The following NLRP5 variants were observed in gnomAD, a reference collection of about 807,000 sequenced individuals.
NLRP5 encodes NACHT, LRR and PYD domains-containing protein 5.
Under a neutral mutation model 113.1 loss-of-function variants are expected in NLRP5, and 93 were observed. The ratio of observed to expected loss-of-function variants is 0.82; its 90% CI spans 0.70 to 0.98. The LOEUF (loss-of-function observed/expected upper bound fraction) is 0.98. Ranked by LOEUF, NLRP5 falls within the 50% of genes least tolerant of loss-of-function variation. The pLI, the probability that NLRP5 is intolerant of heterozygous loss-of-function variation, is 0.00. For synonymous variants in NLRP5, 751 were observed against 600.7 expected, an observed-to-expected ratio of 1.25 and a Z score of -3.66; for missense variants, 1,808 against 1,514.3, an observed-to-expected ratio of 1.19 and a Z score of -3.22.
At chr19:56,055,192 G>A (rs569729523) in intron 13 of NLRP5, among the ~76,000 whole-genome samples, 20 of 151,736 alleles carry the variant, frequency 1.3e-4, no homozygotes, top group Middle Eastern at 3.4e-3. Context: ...GGGTTTCACC[G>A]TGTTAGCCAG....
At chr19:56,007,406 G>C (rs1446676250) in intron 2 of NLRP5, among the ~76,000 whole-genome samples, 1 of 150,364 alleles carries the variant, frequency 6.7e-6, no homozygotes, top group Non-Finnish European at 1.5e-5. Context: ...CCAGATGAGA[G>C]GGAAGTTTAG....
At position 56,027,608 on chromosome 19, in the gene NLRP5, A is replaced by G. The variant is rs1422198697; in HGVS notation, c.1375A>G (p.Met459Val). 5 of 1,613,758 alleles carry G rather than the reference A, an allele frequency of 3.1e-6. No individual in the cohort carries two copies. The highest frequency in any genetic ancestry group is 2.7e-5 in the African/African-American group (2 of 74,944). ...GAAGACACAAGGGTTGCGTGCGATC[A>G]TGAACAACCGTGAGCTGCTCGACCA... Residue 459 changes from methionine to valine, a missense_variant, in exon 7 of 15, where the codon ATG (methionine) becomes GTG (valine). Met to Val is a conservative substitution (Grantham distance 21, BLOSUM62 1). Coordinates refer to ENST00000390649, the MANE Select transcript of NLRP5 (RefSeq NM_153447.4).
chr19:56,010,755 A>AAAAAAAAT lies in NLRP5; in HGVS notation c.508+1902_508+1903insAAAAAAAT, dbSNP rs78321861. Among the ~76,000 whole-genome samples the AAAAAAAAT allele has an allele frequency of 2.0e-3, 256 of 125,994 alleles. 14 individuals are homozygous for AAAAAAAAT. Among genetic ancestry groups the AAAAAAAAT allele is most frequent in the African/African-American group, 5.9e-3 (196 of 33,134 alleles). 82.7% of individuals were successfully genotyped at this position (125,994 alleles called of 152,430 possible). On this transcript the variant is annotated intron_variant, in intron 3 of 14. Coordinates refer to ENST00000390649, the MANE Select transcript of NLRP5 (RefSeq NM_153447.4). The stretch of plus-strand genomic sequence containing the variant: ...TTAACTCTGTCTCAAAAAAAAAAAA[A>AAAAAAAAT]GTCCCTTGAAACTAAGCCAACCCAA...
At chr19:55,992,478 C>G in the NLRP5 span, among the ~76,000 whole-genome samples, 1 of 152,202 alleles carries the variant, frequency 6.6e-6, no homozygotes, top group African/African-American at 2.4e-5. Context: ...GATTTACACT[C>G]CCACCAACAG....
Position 56,061,448 on chromosome 19 carries a change from C to A in NLRP5, c.3523C>A (p.Gln1175Lys), listed in dbSNP as rs1984348726. The change falls in exon 15 of 15, where the codon CAG becomes AAG. Residue 1175 changes from glutamine (Q) to lysine (K), a missense_variant. Physicochemically the swap from Gln to Lys is moderately conservative, Grantham distance 53 (BLOSUM62 1). Transcript: ENST00000390649. ...AATAAGGAAGCTGCTGGAGGAAGTG[C>A]AGCTACTCAAGCCCCGAGTCGTAAT... The A allele has an allele frequency of 1.5e-5, 25 of 1,613,872 alleles. No individual in the cohort carries two copies. Among genetic ancestry groups the A allele is most frequent in the Non-Finnish European group, 2.0e-5 (24 of 1,179,866 alleles).
At chr19:56,048,635 C>G (rs941884259) in intron 11 of NLRP5, among the ~76,000 whole-genome samples, 1 of 152,162 alleles carries the variant, frequency 6.6e-6, no homozygotes, top group African/African-American at 2.4e-5. Context: ...GCTTCTGTCT[C>G]ACAGTTCTTA....
chr19:56,054,567 GA>G (rs10537523), intron 13 of NLRP5, among the ~76,000 whole-genome samples: 19,030 of 138,776 alleles, frequency 0.14, 1,369 homozygotes, highest in South Asian at 0.18. Context: ...CAAAAAAAGT[GA>G]AAAAAAAAAA....
At chr19:56,009,248 G>A (rs1020074490) in intron 3 of NLRP5, among the ~76,000 whole-genome samples, 7 of 144,908 alleles carry the variant, frequency 4.8e-5, no homozygotes, top group Admixed American at 3.0e-4. Context: ...GTGGAGGCAG[G>A]AGAATCACTT....
rs1982910148 is a variant in NLRP5 at position 56,027,499 on chromosome 19, G to A, written c.1266G>A (p.Val422=). Residue 422 remains valine, a synonymous_variant, in exon 7 of 15, where the codon GTG becomes GTA. Transcript: ENST00000390649. ...CAGAGAAGCTCAAGTCAGAGGTCGT[G>A]TCTCCCCGTTACCTGTTAGTTAGAG... The A allele has an allele frequency of 1.2e-6, 2 of 1,613,924 alleles. No homozygotes were observed. Among genetic ancestry groups the A allele is most frequent in the East Asian group, 4.5e-5 (2 of 44,882 alleles).
chr19:56,049,699 T>TA (rs1231708543), intron 11 of NLRP5, among the ~76,000 whole-genome samples: 3 of 151,344 alleles, frequency 2.0e-5, no homozygotes, highest in Non-Finnish European at 4.4e-5. Flanking sequence ...AGTTTCCTGA[T>TA]TTTTTTTTAT....
chr19:56,042,745 C>G (rs1420921020), intron 11 of NLRP5, among the ~76,000 whole-genome samples: 1 of 152,190 alleles, frequency 6.6e-6, no homozygotes, highest in African/African-American at 2.4e-5. Context: ...TTATCCCTCG[C>G]CTCCCTCCCA....
intron 7 of NLRP5, among the ~76,000 whole-genome samples, chr19:56,031,597 C>G (rs376123462): frequency 1.3e-4 from 19 of 146,812 alleles, no homozygotes; most frequent in Admixed American, 9.1e-4. Flanking sequence ...TGCCACTGCA[C>G]TCCAGCCTGG....
intron 3 of NLRP5, among the ~76,000 whole-genome samples, chr19:56,015,464 G>A (rs974752150): frequency 1.6e-4 from 24 of 152,178 alleles, no homozygotes; most frequent in African/African-American, 5.8e-4. Context: ...CCAAAGTGCT[G>A]GTATTAGAGG....
the NLRP5 span, among the ~76,000 whole-genome samples, chr19:55,994,496 C>G: frequency 6.6e-6 from 1 of 152,208 alleles, no homozygotes; most frequent in Admixed American, 6.5e-5. Context: ...CTCCCTAGTT[C>G]AAGCGATTCT....
chr19:56,055,289 G>T (rs139155727), intron 13 of NLRP5, among the ~76,000 whole-genome samples: 280 of 152,018 alleles, frequency 1.8e-3, no homozygotes, highest in African/African-American at 6.5e-3. Flanking sequence ...ACCGCGCCTG[G>T]CCGGGACCCT....
At chr19:56,052,485 G>C (rs1983968847) in intron 12 of NLRP5, among the ~76,000 whole-genome samples, 1 of 152,046 alleles carries the variant, frequency 6.6e-6, no homozygotes. Context: ...GGTCAGGCTG[G>C]TCTCAAACTC....
Position 56,053,823 on chromosome 19 carries a change from C to T in NLRP5, c.3299+15C>T, listed in dbSNP as rs370722533. 2.2e-4 allele frequency: 348 copies of T among 1,609,324 alleles called. No individual in the cohort carries two copies. The highest frequency in any genetic ancestry group is 5.7e-4 in the Admixed American group (34 of 59,856). ...GCGAGACTCGGGTAACTTCCTGGGG[C>T]GCCTCTTTGCGGGCCGGGCTGGGAG... On this transcript the variant is annotated intron_variant, in intron 13 of 14. Transcript: ENST00000390649.
At position 56,004,171 on chromosome 19, in the gene NLRP5, G is replaced by A. The variant is rs530785402; in HGVS notation, c.442+76G>A. 1.8e-4 allele frequency: 265 copies of A among 1,453,910 alleles called. 2 individuals are homozygous for A. In the South Asian group the frequency reaches 2.3e-3, roughly 13 times the overall value. 90.1% of individuals were successfully genotyped at this position (1,453,910 alleles called of 1,614,324 possible). On this transcript the variant is annotated intron_variant, in intron 2 of 14. Transcript: ENST00000390649. Reference sequence around the variant, plus strand: ...GTTCTCATGGGAACAGGGAAGAATCGTTGTTCAGTAACCGGCTCCACCTCT... The same window carrying A: ...GTTCTCATGGGAACAGGGAAGAATCATTGTTCAGTAACCGGCTCCACCTCT...
chr19:56,038,671 C>A (rs1317248129), intron 10 of NLRP5, among the ~76,000 whole-genome samples: 4 of 152,210 alleles, frequency 2.6e-5, no homozygotes, highest in Admixed American at 2.0e-4. Flanking sequence ...GGAGGGTCAC[C>A]CAAAATCCCA....
Sources: allele counts gnomAD v4.1 joint callset (sites outside exome capture counted in the v4.1 genomes callset), GRCh38; gene constraint gnomAD v4.1.1; transcripts MANE v1.5; gene names NCBI Gene and HGNC (gene_info 2026-07-23, HGNC 2026-07-21).